Variants in GSE1 observed in about 807,000 individuals in gnomAD.
GSE1 encodes the protein genetic suppressor element 1.
GSE1 carries 32 observed loss-of-function variants against 112.6 expected under a neutral mutation model. The observed-to-expected ratio is 0.28, with a 90% confidence interval of 0.21 to 0.38. GSE1 has a LOEUF of 0.38. Among genes scored for constraint, GSE1 ranks in the 10% least tolerant of loss-of-function variants. The pLI is 1.00. For missense variants in GSE1, 2,348 were observed against 1,699.2 expected, an observed-to-expected ratio of 1.38 and a Z score of -6.71; for synonymous variants, 1,115 against 735.6, an observed-to-expected ratio of 1.52 and a Z score of -8.35.
Position 85,171,530 on chromosome 16 carries a change from C to T in GSE1, c.2006C>T (p.Ala669Val). Residue 669 changes from alanine (A) to valine (V), a missense_variant, in exon 1 of 3, where the codon GCT becomes GTT. Transcript: ENST00000637419. Reference sequence around the variant, plus strand: ...CATGAGGCCCGCAGCTCCCACCACGCTGTCAGCGCCTGGTCCCGGCAGTAC... The same window carrying T: ...CATGAGGCCCGCAGCTCCCACCACGTTGTCAGCGCCTGGTCCCGGCAGTAC... The T allele has an allele frequency of 3.0e-6, 3 of 985,604 alleles. No homozygotes were observed. In the East Asian group the frequency reaches 3.4e-4, roughly 112 times the overall value. The allele number at this position is 985,604 out of a possible 1,614,324, so 61.1% of individuals were successfully genotyped here.
rs575452530 is a variant in GSE1, at chr16:85,495,056, C to G, written c.2464+137413C>G. 8.5e-5 allele frequency among the ~76,000 whole-genome samples: 13 copies of G among 152,346 alleles called. No homozygotes were observed. The East Asian group carries it at 2.1e-3, about 25-fold the overall frequency. ...TTTCTAGGTCAGGCTGGTAGCCTTC[C>G]TATGGGCTATGATCATGCTGGGCTG... On this transcript the variant is annotated intron_variant, in intron 2 of 2. Transcript: ENST00000637419.
intron 1 of GSE1, among the ~76,000 whole-genome samples, chr16:85,180,368 C>T (rs1037542834): frequency 1.3e-5 from 2 of 152,244 alleles, no homozygotes; most frequent in African/African-American, 2.4e-5. Flanking sequence ...AAAGGTCACC[C>T]ACCGAGGCCA....
At chr16:85,429,027 TACA>T (rs1175346513) in intron 2 of GSE1, among the ~76,000 whole-genome samples, 1 of 152,172 alleles carries the variant, frequency 6.6e-6, no homozygotes, top group Non-Finnish European at 1.5e-5. Flanking sequence ...AACGCACACA[TACA>T]ACACGTGCAC....
At chr16:85,609,621 G>A (rs946635783), upstream of GSE1, among the ~76,000 whole-genome samples, 3 of 152,086 alleles carry the variant, frequency 2.0e-5, no homozygotes, top group Non-Finnish European at 2.9e-5. Flanking sequence ...GTAGGTTTAA[G>A]GTGTCTCATG....
intron 2 of GSE1, among the ~76,000 whole-genome samples, chr16:85,541,739 CA>C (rs1000315651): frequency 1.5e-4 from 23 of 152,194 alleles, no homozygotes; most frequent in African/African-American, 5.5e-4. Flanking sequence ...ATGAGCAGTA[CA>C]GGGGGAAGGG....
intron 1 of GSE1, among the ~76,000 whole-genome samples, chr16:85,177,529 G>C (rs977530678): frequency 6.6e-5 from 10 of 152,216 alleles, no homozygotes; most frequent in Non-Finnish European, 1.2e-4. Flanking sequence ...CCTTCATCCA[G>C]TTTCCCCATC....
chr16:85,668,242 A>G lies in GSE1; in HGVS notation c.3233A>G (p.Gln1078Arg), dbSNP rs141705302. 4 of 1,611,252 alleles carry G rather than the reference A, an allele frequency of 2.5e-6. No homozygotes were observed. Among genetic ancestry groups the G allele is most frequent in the African/African-American group, 2.7e-5 (2 of 74,854 alleles). ...LQSSSRAPPP[Q>R]HNGQQEPPTA... Reference sequence around the variant, plus strand: ...TCCTCCAGCCGCGCCCCTCCACCCCAGCACAATGGGCAGCAGGAGCCCCCC... The same window carrying G: ...TCCTCCAGCCGCGCCCCTCCACCCCGGCACAATGGGCAGCAGGAGCCCCCC... The change falls in exon 14 of 16, where the codon CAG becomes CGG. Residue 1078 changes from glutamine to arginine, a missense_variant. Coordinates refer to ENST00000253458, the MANE Select transcript of GSE1 (RefSeq NM_014615.5).
intron 1 of GSE1, among the ~76,000 whole-genome samples, chr16:85,242,027 G>T (rs960191826): frequency 2.6e-5 from 4 of 152,054 alleles, no homozygotes; most frequent in African/African-American, 9.7e-5. Context: ...CACCGTCCTG[G>T]TGTCCCTGCC....
intron 1 of GSE1, among the ~76,000 whole-genome samples, chr16:85,196,178 GT>G (rs2074923470): frequency 1.3e-5 from 2 of 152,342 alleles, no homozygotes; most frequent in Admixed American, 1.3e-4. Context: ...GGACTTGGGG[GT>G]TGTGGGTAGA....
intron 1 of GSE1, among the ~76,000 whole-genome samples, chr16:85,182,758 C>T (rs557512999): frequency 2.7e-4 from 41 of 152,216 alleles, no homozygotes; most frequent in Admixed American, 1.6e-3. Flanking sequence ...TGGGAGCCGC[C>T]TGCGTGGGAG....
chr16:85,671,135 A>G, intron 15 of GSE1, 37 bp downstream of exon 15: 1 of 1,203,240 alleles, frequency 8.3e-7, no homozygotes, highest in Non-Finnish European at 1.2e-6. Flanking sequence ...CAAACACGCA[A>G]CCTTTTGAGT....
intron 2 of GSE1, among the ~76,000 whole-genome samples, chr16:85,515,423 GCTT>G (rs1483425549): frequency 4.6e-5 from 7 of 152,238 alleles, no homozygotes; most frequent in African/African-American, 9.6e-5. Context: ...AAACACAACT[GCTT>G]CTTTAGCTTC....
intron 1 of GSE1, among the ~76,000 whole-genome samples, chr16:85,560,830 A>T (rs2045483163): frequency 6.6e-6 from 1 of 152,120 alleles, no homozygotes; most frequent in African/African-American, 2.4e-5. Flanking sequence ...CCTAAAAAAA[A>T]TAATAATAAT....
intron 13 of GSE1, chr16:85,666,662 G>C (rs1598699712): frequency 2.9e-6 from 1 of 347,128 alleles, no homozygotes; most frequent in East Asian, 6.7e-5. Flanking sequence ...GAGATTAAAA[G>C]ATTCCCCAAA....
intron 1 of GSE1, among the ~76,000 whole-genome samples, chr16:85,630,426 C>T (rs1175189360): frequency 2.0e-5 from 3 of 152,196 alleles, no homozygotes; most frequent in South Asian, 2.1e-4. Context: ...CTCACTGTAG[C>T]TCCAACTCCT....
In GSE1 at chr16:85,649,779, G is replaced by A. The variant is rs370744600; in HGVS notation, c.426+1028G>A. On this transcript the variant is annotated intron_variant, in intron 3 of 15. Transcript: ENST00000253458. ...TACTAATTAAACCACAAAGAAGGTG[G>A]GGAGGAGGGGAGAGTCACTCTTGCC... Among the ~76,000 whole-genome samples, 77 of 152,310 alleles carry A rather than the reference G, an allele frequency of 5.1e-4. No individual in the cohort carries two copies. In the East Asian group the frequency reaches 6.4e-3, roughly 13 times the overall value.
chr16:85,477,478 T>G (rs1567518771), intron 2 of GSE1, among the ~76,000 whole-genome samples: 1 of 151,134 alleles, frequency 6.6e-6, no homozygotes, highest in Non-Finnish European at 1.5e-5. Flanking sequence ...CCTCACCTCC[T>G]TATTGTGAAT....
At chr16:85,638,467 C>T (rs889605632) in intron 2 of GSE1, among the ~76,000 whole-genome samples, 9 of 152,206 alleles carry the variant, frequency 5.9e-5, no homozygotes, top group Admixed American at 3.3e-4. Flanking sequence ...CCGATGCATG[C>T]CCCAGCACTT....
At chr16:85,605,280 G>A (rs908766115) in intron 1 of GSE1, among the ~76,000 whole-genome samples, 2 of 151,926 alleles carry the variant, frequency 1.3e-5, no homozygotes, top group African/African-American at 4.9e-5. Context: ...ACATTCCAAG[G>A]CCTCTCCTAA....
Sources: gnomAD v4.1 joint callset for allele counts (sites outside exome capture counted in the v4.1 genomes callset) on GRCh38, gnomAD v4.1.1 for gene constraint, MANE v1.5 for transcripts, NCBI Gene and HGNC (gene_info 2026-07-23, HGNC 2026-07-21) for gene names.